FAM177A1: variants seen among roughly 807,000 people sequenced by gnomAD.
FAM177A1 encodes family with sequence similarity 177 member A1.
In FAM177A1, 22 loss-of-function variants were observed where a neutral mutation model predicts 26.1. The observed-to-expected ratio is 0.84, with a 90% confidence interval of 0.60 to 1.20. The LOEUF is 1.20. Ranked by LOEUF, FAM177A1 falls within the 50% of genes most tolerant of loss-of-function variation. FAM177A1 has a pLI of 0.00. For missense variants in FAM177A1, 296 were observed against 291.1 expected (o/e 1.02, Z -0.12); for synonymous variants, 95 against 99.3 (o/e 0.96, Z 0.26).
At chr14:35,062,163 T>TA (rs1424483327) in intron 2 of FAM177A1, among the ~76,000 whole-genome samples, 1 of 152,180 alleles carries the variant, frequency 6.6e-6, no homozygotes, top group Non-Finnish European at 1.5e-5. Flanking sequence ...TTGCTTTTGT[T>TA]ACCAAATTTT....
intron 1 of FAM177A1, among the ~76,000 whole-genome samples, chr14:35,048,639 C>G (rs1163335081): frequency 6.6e-6 from 1 of 151,344 alleles, no homozygotes; most frequent in African/African-American, 2.4e-5. Flanking sequence ...CTGATTTGCC[C>G]TTTGTGCTTT....
intron 2 of FAM177A1, among the ~76,000 whole-genome samples, chr14:35,073,132 G>A (rs1239298212): frequency 6.6e-6 from 1 of 151,994 alleles, no homozygotes; most frequent in Non-Finnish European, 1.5e-5. Context: ...GTGCAGTGGC[G>A]TGATCTTGGC....
intron 2 of FAM177A1, chr14:35,054,835 G>C (rs1348330718): frequency 6.6e-6 from 1 of 151,894 alleles, no homozygotes; most frequent in East Asian, 1.9e-4. Flanking sequence ...AAATTAGCCA[G>C]GCATGGTGGT....
At chr14:35,076,761 A>C (rs2138569394) in intron 2 of FAM177A1, among the ~76,000 whole-genome samples, 1 of 152,256 alleles carries the variant, frequency 6.6e-6, no homozygotes, top group East Asian at 1.9e-4. Context: ...TGGCATCCTT[A>C]AGTTTCTTTC....
intron 2 of FAM177A1, 85 bp from the exon 3 acceptor site, chr14:35,077,065 A>G: frequency 1.9e-6 from 2 of 1,029,090 alleles, no homozygotes; most frequent in South Asian, 1.3e-5. Context: ...CTCGGTGCCT[A>G]CCAAGTATTT....
chr14:35,071,857 C>T (rs72680663), intron 2 of FAM177A1, among the ~76,000 whole-genome samples: 12,938 of 152,186 alleles, frequency 0.085, 864 homozygotes, highest in African/African-American at 0.19. Context: ...TTTATTCCCC[C>T]CAAACTAAAT....
intron 1 of FAM177A1, among the ~76,000 whole-genome samples, chr14:35,048,014 A>G (rs959577222): frequency 3.9e-5 from 6 of 152,164 alleles, no homozygotes; most frequent in Non-Finnish European, 4.4e-5. Flanking sequence ...TAAATAAAAA[A>G]CTAAAGAAAC....
At chr14:35,070,614 C>T (rs918341552) in intron 2 of FAM177A1, among the ~76,000 whole-genome samples, 5 of 152,156 alleles carry the variant, frequency 3.3e-5, no homozygotes, top group Non-Finnish European at 5.9e-5. Context: ...AGGCGTGAGC[C>T]ACCACACCCG....
rs577477880 is a variant in FAM177A1 at position 35,077,059 on chromosome 14, G to A, written c.340-91G>A. The stretch of plus-strand genomic sequence containing the variant: ...TAGTACTGCCTATAGAATATTCTCG[G>A]TGCCTACCAAGTATTTGACTACTTC... On this transcript the variant is annotated intron_variant, in intron 2 of 4. Transcript: ENST00000280987. 1.0e-5 allele frequency: 10 copies of A among 959,842 alleles called. No homozygotes were observed. In the Admixed American group the frequency reaches 1.2e-4, roughly 12 times the overall value. 59.5% of individuals were successfully genotyped at this position (959,842 alleles called of 1,614,324 possible). A position where few individuals can be genotyped will look rare whatever the true frequency, so the allele number is the denominator to read the frequency against.
At chr14:35,053,250 T>A in intron 1 of FAM177A1, 28 bp from the exon 2 acceptor site, 1 of 1,578,836 alleles carries the variant, frequency 6.3e-7, no homozygotes, top group Non-Finnish European at 8.6e-7. Flanking sequence ...CACTTGAAAC[T>A]CATTTTCTTA....
At chr14:35,053,731 C>T (rs1436604104) in intron 2 of FAM177A1, among the ~76,000 whole-genome samples, 1 of 152,144 alleles carries the variant, frequency 6.6e-6, no homozygotes, top group Non-Finnish European at 1.5e-5. Context: ...GTGGCTCACA[C>T]CTGTAATCCC....
chr14:35,069,034 T>G (rs866103213), intron 2 of FAM177A1, among the ~76,000 whole-genome samples: 18 of 152,244 alleles, frequency 1.2e-4, no homozygotes, highest in Middle Eastern at 6.8e-3. Context: ...CCAACACACG[T>G]TTTTTAGGGG....
chr14:35,073,712 T>A (rs1316774483), intron 2 of FAM177A1, among the ~76,000 whole-genome samples: 1 of 152,198 alleles, frequency 6.6e-6, no homozygotes, highest in African/African-American at 2.4e-5. Flanking sequence ...CTTTTTCCTT[T>A]AAGGCTTGGG....
intron 2 of FAM177A1, among the ~76,000 whole-genome samples, chr14:35,054,132 A>ATT: frequency 6.6e-6 from 1 of 152,164 alleles, no homozygotes; most frequent in Non-Finnish European, 1.5e-5. Flanking sequence ...GGAGAATGGC[A>ATT]TGAACCCGGG....
At chr14:35,053,534 C>G (rs550589617) in intron 2 of FAM177A1, 83 bp downstream of exon 2, 32 of 1,236,490 alleles carry the variant, frequency 2.6e-5, no homozygotes, top group Middle Eastern at 1.9e-4. Context: ...TGGAAGGGAC[C>G]TTTTGAGGTT....
At chr14:35,073,107 G>A (rs554701606) in intron 2 of FAM177A1, among the ~76,000 whole-genome samples, 1 of 152,208 alleles carries the variant, frequency 6.6e-6, no homozygotes, top group African/African-American at 2.4e-5. Flanking sequence ...GAGTCTCGCT[G>A]TCACCCAGGC....
At chr14:35,060,154 T>C (rs1442028134) in intron 2 of FAM177A1, among the ~76,000 whole-genome samples, 1 of 151,278 alleles carries the variant, frequency 6.6e-6, no homozygotes, top group Admixed American at 6.6e-5. Flanking sequence ...ACTGTATTTT[T>C]GGTAGAGACT....
At chr14:35,067,168 T>C (rs949621891) in intron 2 of FAM177A1, among the ~76,000 whole-genome samples, 14 of 152,172 alleles carry the variant, frequency 9.2e-5, no homozygotes, top group African/African-American at 3.1e-4. Context: ...AACATTGAGC[T>C]CTTTGACCAA....
At position 35,082,047 on chromosome 14, in the gene FAM177A1, T is replaced by C. The variant is rs1214102733; in HGVS notation, c.*819T>C. The stretch of plus-strand genomic sequence containing the variant: ...ATAGATTTAATCCATCAGGAGCAAT[T>C]AGATATTGTATAAGGTGCAATGATA... On this transcript the variant is annotated 3_prime_UTR_variant, in exon 5 of 5. Transcript: ENST00000280987. 2.0e-5 allele frequency: 3 copies of C among 152,028 alleles called. No homozygotes were observed. The highest frequency in any genetic ancestry group is 4.4e-5 in the Non-Finnish European group (3 of 67,996). 9.4% of individuals were successfully genotyped at this position (152,028 alleles called of 1,614,324 possible).
Sources: gnomAD v4.1 joint callset for allele counts (sites outside exome capture counted in the v4.1 genomes callset) on GRCh38, gnomAD v4.1.1 for gene constraint, MANE v1.5 for transcripts, NCBI Gene and HGNC (gene_info 2026-07-23, HGNC 2026-07-21) for gene names.